Variants in CASKIN1 observed in about 807,000 individuals in gnomAD.
The protein encoded by CASKIN1 is CASK interacting protein 1, also known as caskin-1.
Under a neutral mutation model 117.5 loss-of-function variants are expected in CASKIN1, and 42 were observed. The observed-to-expected ratio is 0.36, with a 90% confidence interval of 0.28 to 0.46. The LOEUF is 0.46. Among genes scored for constraint, CASKIN1 ranks in the 20% least tolerant of loss-of-function variants. The pLI is 1.00. For missense variants in CASKIN1, 2,083 were observed against 2,077.3 expected (o/e 1.00, Z -0.05); for synonymous variants, 1,148 against 961.7 (o/e 1.19, Z -3.59).
chr16:2,194,608 G>A (rs2093210546), intron 1 of CASKIN1, among the ~76,000 whole-genome samples: 1 of 152,184 alleles, frequency 6.6e-6, no homozygotes, highest in Non-Finnish European at 1.5e-5. Flanking sequence ...CTCCAAAGCA[G>A]GCCAGCGTTG....
In CASKIN1 at chr16:2,181,348, T is replaced by C. The variant is rs1596686888; in HGVS notation, c.2020A>G (p.Thr674Ala). The change falls in exon 18 of 20, where the codon ACC becomes GCC. Residue 674 changes from threonine (T) to alanine (A), a missense_variant. By Grantham distance (58) the Thr-to-Ala change is moderately conservative. This residue lies in a region of CASKIN1 where 1,818 missense variants were observed against 1,688.9 expected (regional missense o/e 1.08). Transcript: ENST00000343516. ...AGGTGGCTGGAGGGCTTCTCAGTGGTGGGCCCCACCTCAGCCGGGCCAGTC... is the reference window on the plus strand; with the variant it reads ...AGGTGGCTGGAGGGCTTCTCAGTGGCGGGCCCCACCTCAGCCGGGCCAGTC... ...AMTGPAEVGP[T>A]TEKPSSHLPP... is the part of the protein sequence containing the mutation. 2 of 1,606,804 alleles carry C rather than the reference T, an allele frequency of 1.2e-6. No individual in the cohort carries two copies. Among genetic ancestry groups the C allele is most frequent in the Non-Finnish European group, 1.7e-6 (2 of 1,178,532 alleles).
intron 16 of CASKIN1, 38 bp downstream of exon 16, chr16:2,183,608 C>G (rs1180471992): frequency 8.8e-6 from 14 of 1,596,166 alleles, no homozygotes; most frequent in African/African-American, 1.3e-5. Flanking sequence ...TCTGTCTGCC[C>G]GTCCTGGGCC....
chr16:2,181,505 C>T lies in CASKIN1; in HGVS notation c.1863G>A (p.Lys621=). Residue 621 remains lysine (K), a synonymous_variant, in exon 18 of 20, where the codon AAG becomes AAA. Transcript: ENST00000343516. The part of the protein sequence containing the change: ...AKYEGGPLRR[K]APQSLEVMAI... ...CCATCACTTCAAGAGACTGGGGCGC[C>T]TTCCGGCGCAGGGGGCCCCCCTCAT... is the stretch of plus-strand genomic sequence containing the variant. 2 of 1,610,196 alleles carry T rather than the reference C, an allele frequency of 1.2e-6. No homozygotes were observed. Among genetic ancestry groups the T allele is most frequent in the South Asian group, 1.1e-5 (1 of 90,852 alleles).
At chr16:2,187,623 CT>C (rs926015437) in intron 6 of CASKIN1, among the ~76,000 whole-genome samples, 162 bp from the exon 7 acceptor site, 47 of 151,738 alleles carry the variant, frequency 3.1e-4, no homozygotes, top group African/African-American at 9.9e-4. Context: ...GTGCTGAGCG[CT>C]TTTTTTTTCT....
chr16:2,187,829 C>A (rs1409651672), intron 6 of CASKIN1, among the ~76,000 whole-genome samples: 1 of 151,830 alleles, frequency 6.6e-6, no homozygotes, highest in African/African-American at 2.4e-5. Flanking sequence ...CCATTTTGGC[C>A]AAGCTGGACA....
intron 1 of CASKIN1, among the ~76,000 whole-genome samples, chr16:2,193,384 G>A (rs554333666): frequency 1.3e-4 from 20 of 152,294 alleles, no homozygotes; most frequent in African/African-American, 3.8e-4. Context: ...GAATTATGTC[G>A]TGGGGCCTAC....
rs1378738617 is a variant in CASKIN1, at chr16:2,179,212, G to A, written c.3889C>T (p.Pro1297Ser). 8.5e-7 allele frequency: 1 copy of A among 1,170,142 alleles called. No homozygotes were observed. Among genetic ancestry groups the A allele is most frequent in the African/African-American group, 1.6e-5 (1 of 61,812 alleles). The allele number at this position is 1,170,142 out of a possible 1,614,324, so 72.5% of individuals were successfully genotyped here. The change falls in exon 19 of 20, where the codon CCT becomes TCT. Residue 1297 changes from proline (P) to serine (S), a missense_variant. Around this residue, in one of 3 missense-constraint regions of CASKIN1, gnomAD observed 1,818 missense variants for 1,688.9 expected, o/e 1.08. Coordinates refer to ENST00000343516, the MANE Select transcript of CASKIN1 (RefSeq NM_020764.4). This position sits in a 1 kb window ranked among gnomAD's most constrained non-coding sequence, Gnocchi z 5.8. The part of the protein sequence containing the change: ...VAGLPSGSAG[P>S]SPAPSPARQP... The stretch of plus-strand genomic sequence containing the variant: ...CGCGCGGGCGAGGGTGCGGGTGAAG[G>A]GCCGGCGCTGCCCGAAGGCAGCCCC...
Position 2,196,465 on chromosome 16 carries a change from C to G in CASKIN1, c.-33G>C. Reference sequence around the variant, plus strand: ...CCGGGGCCGCAGCGACGCGGCTGCGCTCGTGAGCTCGGCGCGGCTCAGAGG... The same window carrying G: ...CCGGGGCCGCAGCGACGCGGCTGCGGTCGTGAGCTCGGCGCGGCTCAGAGG... On this transcript the variant is annotated 5_prime_UTR_variant, in exon 1 of 20. Coordinates refer to ENST00000343516, the MANE Select transcript of CASKIN1 (RefSeq NM_020764.4). The surrounding 1 kb of genome is among the most constrained non-coding windows in gnomAD (Gnocchi z 5.7). 1.8e-6 allele frequency: 2 copies of G among 1,103,438 alleles called. No individual in the cohort carries two copies. The allele number at this position is 1,103,438 out of a possible 1,614,324, so 68.4% of individuals were successfully genotyped here.
intron 16 of CASKIN1, among the ~76,000 whole-genome samples, chr16:2,183,121 G>A (rs927642198): frequency 2.6e-5 from 4 of 152,258 alleles, no homozygotes; most frequent in Non-Finnish European, 5.9e-5. Flanking sequence ...GCCATGGCGT[G>A]TGCAGGTATC....
At position 2,180,374 on chromosome 16, in the gene CASKIN1, G is replaced by A. The variant is rs559809096; in HGVS notation, c.2994C>T (p.Ala998=). 6.9e-6 allele frequency: 11 copies of A among 1,592,578 alleles called. No homozygotes were observed. The highest frequency in any genetic ancestry group is 2.3e-5 in the East Asian group (1 of 44,314). ...DLAGSVDTGS[A]GSVKSIAAML... is the part of the protein sequence containing the mutation. ...TGGCCGCGATGCTCTTCACACTGCC[G>A]GCACTACCCGTGTCCACGCTGCCGG... Residue 998 remains alanine, a synonymous_variant, in exon 18 of 20, where the codon GCC becomes GCT. Coordinates refer to ENST00000343516, the MANE Select transcript of CASKIN1 (RefSeq NM_020764.4).
In CASKIN1 at chr16:2,185,160, C is replaced by G. The variant is rs1372257815; in HGVS notation, c.1190G>C (p.Gly397Ala). 6.2e-7 allele frequency: 1 copy of G among 1,609,204 alleles called. No individual in the cohort carries two copies. Among genetic ancestry groups the G allele is most frequent in the Non-Finnish European group, 8.5e-7 (1 of 1,179,556 alleles). ...TAGGGCGTGACCCCCGCTGCCCCGG[C>G]CGCCAGCCATGCCGCTAATGCTGCC... is the stretch of plus-strand genomic sequence containing the variant. ...RSGSISGMAG[G>A]RGSGGHALHA... The change falls in exon 12 of 20, where the codon GGC becomes GCC. Residue 397 changes from glycine to alanine, a missense_variant. By Grantham distance (60) the Gly-to-Ala change is moderately conservative (BLOSUM62 0). Coordinates refer to ENST00000343516, the MANE Select transcript of CASKIN1 (RefSeq NM_020764.4).
chr16:2,179,723 C>A lies in CASKIN1; in HGVS notation c.3645G>T (p.Glu1215Asp). 2 of 1,538,002 alleles carry A rather than the reference C, an allele frequency of 1.3e-6. No homozygotes were observed. Among genetic ancestry groups the A allele is most frequent in the East Asian group, 4.8e-5 (2 of 42,024 alleles). The change falls in exon 18 of 20, where the codon GAG becomes GAT. Residue 1215 changes from glutamate (E) to aspartate (D), a missense_variant. Glu to Asp is a conservative substitution (Grantham distance 45). Coordinates refer to ENST00000343516, the MANE Select transcript of CASKIN1 (RefSeq NM_020764.4). The surrounding 1 kb of genome is among the most constrained non-coding windows in gnomAD (Gnocchi z 5.8). The stretch of plus-strand genomic sequence containing the variant: ...GCTTGGCCGGCTTCCGGGCTTCGCC[C>A]TCGGGCGGGGGCAATGGGGGTAGGT... ...LAHLPPLPPP[E>D]GEARKPAKPP...
At chr16:2,192,207 G>A (rs183111145) in intron 1 of CASKIN1, among the ~76,000 whole-genome samples, 21 of 152,286 alleles carry the variant, frequency 1.4e-4, no homozygotes, top group Non-Finnish European at 2.4e-4. Context: ...GCTGAGGCGG[G>A]AGGATCGCTT....
chr16:2,185,881 A>C (rs2093182857), intron 10 of CASKIN1, among the ~76,000 whole-genome samples: 2 of 152,332 alleles, frequency 1.3e-5, no homozygotes, highest in Non-Finnish European at 2.9e-5. Flanking sequence ...CCCTCTCCTC[A>C]GCCTCCTGTT....
intron 6 of CASKIN1, among the ~76,000 whole-genome samples, chr16:2,188,168 GAACCACCGCACTC>G (rs1175586016): frequency 6.9e-6 from 1 of 145,434 alleles, no homozygotes; most frequent in African/African-American, 2.5e-5. Flanking sequence ...GCAGCATTTT[GAACCACCGCACTC>G]AGCTGCTTTT....
rs374957682 is a variant in CASKIN1 at position 2,179,751 on chromosome 16, G to A, written c.3617C>T (p.Ala1206Val). The A allele has an allele frequency of 1.4e-4, 217 of 1,558,578 alleles. 1 individual carries two copies. In the African/African-American group the frequency reaches 2.6e-3, roughly 19 times the overall value. Reference sequence around the variant, plus strand: ...GGGCGGGGGCAATGGGGGTAGGTGCGCCAGGTCGGTGGGCGGGGGTTCGGC... The same window carrying A: ...GGGCGGGGGCAATGGGGGTAGGTGCACCAGGTCGGTGGGCGGGGGTTCGGC... ...PPAEPPPTDLAHLPPLPPPEG... is the reference protein window; with the variant it reads ...PPAEPPPTDLVHLPPLPPPEG... The change falls in exon 18 of 20, where the codon GCG becomes GTG. Residue 1206 changes from alanine (A) to valine (V), a missense_variant. Coordinates refer to ENST00000343516, the MANE Select transcript of CASKIN1 (RefSeq NM_020764.4). The surrounding 1 kb of genome is among the most constrained non-coding windows in gnomAD (Gnocchi z 5.8).
Position 2,185,489 on chromosome 16 carries a change from G to A in CASKIN1, c.1049-81C>T, listed in dbSNP as rs375531855. The stretch of plus-strand genomic sequence containing the variant: ...CAGGGGAGGCAGGACAGAGACTGGC[G>A]CAGCCACAGCCGGGGGTCCTCTCTG... On this transcript the variant is annotated intron_variant, in intron 10 of 19. Transcript: ENST00000343516. 2.3e-5 allele frequency: 28 copies of A among 1,208,688 alleles called. No homozygotes were observed. The South Asian group carries it at 2.8e-4, about 12-fold the overall frequency. 74.9% of individuals were successfully genotyped at this position (1,208,688 alleles called of 1,614,324 possible).
chr16:2,190,946 G>T (rs1035362446), intron 1 of CASKIN1, among the ~76,000 whole-genome samples: 4 of 152,316 alleles, frequency 2.6e-5, no homozygotes, highest in East Asian at 1.9e-4. Context: ...AACCTCACGC[G>T]AACGGCTGCC....
At chr16:2,193,726 G>A (rs749191287) in intron 1 of CASKIN1, among the ~76,000 whole-genome samples, 9 of 152,262 alleles carry the variant, frequency 5.9e-5, no homozygotes, top group Admixed American at 2.6e-4. Context: ...CCCCATGTGA[G>A]GAGGGGTGCC....
Sources: gnomAD v4.1 joint callset for allele counts (sites outside exome capture counted in the v4.1 genomes callset) on GRCh38, gnomAD v4.1.1 for gene constraint, gnomAD v4.1.1 regional missense constraint, Gnocchi (gnomAD v3.1) non-coding constraint, MANE v1.5 for transcripts, NCBI Gene and HGNC (gene_info 2026-07-23, HGNC 2026-07-21) for gene names.